The following PPP2R5A variants were observed in gnomAD, a reference collection of about 807,000 sequenced individuals.
PPP2R5A encodes the protein serine/threonine-protein phosphatase 2A 56 kDa regulatory subunit alpha isoform.
PPP2R5A carries 25 observed loss-of-function variants against 64.2 expected under a neutral mutation model. That is an observed-to-expected ratio of 0.39 (90% CI 0.28 to 0.54). The LOEUF (loss-of-function observed/expected upper bound fraction) is 0.54, where lower values mean the gene tolerates loss of function less well. PPP2R5A is among the 20% of genes least tolerant of loss of function. The pLI is 0.67. For synonymous variants in PPP2R5A, 198 were observed against 201.2 expected, an observed-to-expected ratio of 0.98 and a Z score of 0.13; for missense variants, 425 against 576.3, an observed-to-expected ratio of 0.74 and a Z score of 2.69.
At chr1:212,333,441 T>C in intron 2 of PPP2R5A, 56 bp from the exon 3 acceptor site, 1 of 1,133,348 alleles carries the variant, frequency 8.8e-7, no homozygotes, top group Non-Finnish European at 1.2e-6. Context: ...TCGTTTTGAA[T>C]TGTCCAATTC....
chr1:212,306,695 A>G (rs1658909943), intron 1 of PPP2R5A: 1 of 151,956 alleles, frequency 6.6e-6, no homozygotes, highest in African/African-American at 2.4e-5. Flanking sequence ...TTAAAAATTC[A>G]GTTTGACAAT....
intron 1 of PPP2R5A, among the ~76,000 whole-genome samples, chr1:212,323,033 G>A (rs770278397): frequency 2.0e-5 from 3 of 152,208 alleles, no homozygotes; most frequent in Middle Eastern, 3.4e-3. Flanking sequence ...TGATCTGCCC[G>A]CCTCAGCCTC....
intron 1 of PPP2R5A, among the ~76,000 whole-genome samples, chr1:212,327,443 C>A (rs2102431645): frequency 6.6e-6 from 1 of 152,310 alleles, no homozygotes; most frequent in African/African-American, 2.4e-5. Context: ...AGACTTGAGT[C>A]TCACTCTGTG....
At chr1:212,335,285 G>C (rs1195670508) in intron 3 of PPP2R5A, among the ~76,000 whole-genome samples, 2 of 152,026 alleles carry the variant, frequency 1.3e-5, no homozygotes, top group Non-Finnish European at 2.9e-5. Context: ...TTCCAGACCA[G>C]CCTAACATGG....
At chr1:212,332,417 TAAAA>T (rs765767313) in intron 2 of PPP2R5A, among the ~76,000 whole-genome samples, 3 of 152,162 alleles carry the variant, frequency 2.0e-5, no homozygotes, top group African/African-American at 7.2e-5. Flanking sequence ...TCATTATTCT[TAAAA>T]AAATTGTAGA....
At chr1:212,357,649 A>G (rs1388391186) in intron 11 of PPP2R5A, among the ~76,000 whole-genome samples, 1 of 151,786 alleles carries the variant, frequency 6.6e-6, no homozygotes, top group East Asian at 1.9e-4. Flanking sequence ...TAAAACTACA[A>G]AAAATTAGCC....
intron 4 of PPP2R5A, among the ~76,000 whole-genome samples, chr1:212,343,310 C>T (rs1287558009): frequency 1.3e-5 from 2 of 152,200 alleles, no homozygotes; most frequent in Non-Finnish European, 2.9e-5. Context: ...GTGAAGTAGA[C>T]CAAACCTTTC....
At chr1:212,302,432 T>C (rs905495951) in intron 1 of PPP2R5A, among the ~76,000 whole-genome samples, 3 of 152,348 alleles carry the variant, frequency 2.0e-5, no homozygotes, top group African/African-American at 7.2e-5. Flanking sequence ...TAGTGGATTC[T>C]GTGTATGTGT....
chr1:212,341,954 G>A (rs1217038438), intron 3 of PPP2R5A, among the ~76,000 whole-genome samples: 1 of 152,082 alleles, frequency 6.6e-6, no homozygotes, highest in Non-Finnish European at 1.5e-5. Flanking sequence ...GTCCAGGGTG[G>A]CCTCAAACTC....
At chr1:212,330,922 C>T (rs1659492233) in intron 2 of PPP2R5A, among the ~76,000 whole-genome samples, 1 of 151,756 alleles carries the variant, frequency 6.6e-6, no homozygotes, top group Non-Finnish European at 1.5e-5. Flanking sequence ...AACCCCAGCA[C>T]TTTGGGAGGC....
At chr1:212,296,232 G>GA (rs1658689263) in intron 1 of PPP2R5A, among the ~76,000 whole-genome samples, 1 of 151,854 alleles carries the variant, frequency 6.6e-6, no homozygotes, top group African/African-American at 2.4e-5. Context: ...ACTGGAGGGG[G>GA]AATCAGGTAT....
Position 212,333,525 on chromosome 1 carries a change from CT to C in PPP2R5A, c.408del (p.Pro137GlnfsTer31). ...AGTGCTAACATCTTCCGTACACTTC[CT>C]CCAAGTGATAATCCAGATTTTGATC... ...MISANIFRTL[P>X]PSDNPDFDPE... is the part of the protein sequence containing the mutation. On this transcript the variant is annotated frameshift_variant, in exon 3 of 13. Transcript: ENST00000261461. LOFTEE classifies it high-confidence loss of function. The C allele has an allele frequency of 6.2e-7, 1 of 1,600,020 alleles. No individual in the cohort carries two copies. The highest frequency in any genetic ancestry group is 1.3e-5 in the African/African-American group (1 of 74,370).
chr1:212,346,245 T>C (rs1051428111), intron 5 of PPP2R5A, among the ~76,000 whole-genome samples: 1 of 151,990 alleles, frequency 6.6e-6, no homozygotes, highest in Non-Finnish European at 1.5e-5. Context: ...ATATGTAACA[T>C]AGTATATATG....
Position 212,347,322 on chromosome 1 carries a change from C to T in PPP2R5A, c.705-25C>T, listed in dbSNP as rs557704347. The T allele has an allele frequency of 4.1e-5, 62 of 1,497,372 alleles. No individual in the cohort carries two copies. In the Middle Eastern group the frequency reaches 6.9e-4, roughly 17 times the overall value. The allele number at this position is 1,497,372 out of a possible 1,614,324, so 92.8% of individuals were successfully genotyped here. On this transcript the variant is annotated intron_variant, in intron 5 of 12. Coordinates refer to ENST00000261461, the MANE Select transcript of PPP2R5A (RefSeq NM_006243.4). ...GTTTTCTGAAGTTTGATTTTGATTA[C>T]ATCTTGTCTTTATTTTAAATTCAGG...
chr1:212,332,882 C>G (rs76019859), intron 2 of PPP2R5A, among the ~76,000 whole-genome samples: 2,171 of 151,990 alleles, frequency 0.014, 50 homozygotes, highest in African/African-American at 0.048. Context: ...CCTTTCCCTT[C>G]TTTCTTTTTT....
Position 212,345,681 on chromosome 1 carries a change from G to A in PPP2R5A, c.574-122G>A, listed in dbSNP as rs954674044. On this transcript the variant is annotated intron_variant, in intron 4 of 12. Coordinates refer to ENST00000261461, the MANE Select transcript of PPP2R5A (RefSeq NM_006243.4). ...ATTACTTAGCAAGAATAAAGTCAGT[G>A]TGGTAAGGAAGAACTCTAAAAAATT... The A allele has an allele frequency of 2.3e-4, 205 of 873,082 alleles. 1 individual carries two copies. The highest frequency in any genetic ancestry group is 3.3e-5 in the Admixed American group (1 of 30,652). 54.1% of individuals were successfully genotyped at this position (873,082 alleles called of 1,614,324 possible).
Position 212,304,551 on chromosome 1 carries a change from AAAAC to A in PPP2R5A, c.181+18268_181+18271del, listed in dbSNP as rs1041626587. On this transcript the variant is annotated intron_variant, in intron 1 of 12. Transcript: ENST00000261461. ...GCAACAAGAGCGAAACTCCATTTCAAAAACAAACAAAAAAAGAGATGGGGTCTCG... is the reference window on the plus strand; with the variant it reads ...GCAACAAGAGCGAAACTCCATTTCAAAAACAAAAAAAGAGATGGGGTCTCG... Among the ~76,000 whole-genome samples, 33 of 152,088 alleles carry A rather than the reference AAAAC, an allele frequency of 2.2e-4. 1 individual carries two copies. Among genetic ancestry groups the A allele is most frequent in the South Asian group, 8.3e-4 (4 of 4,804 alleles).
chr1:212,292,714 C>T (rs149012027), intron 1 of PPP2R5A, among the ~76,000 whole-genome samples: 2 of 152,242 alleles, frequency 1.3e-5, no homozygotes, highest in Non-Finnish European at 2.9e-5. Context: ...TGTGTGCTGC[C>T]ACACCCAGCT....
intron 1 of PPP2R5A, among the ~76,000 whole-genome samples, chr1:212,321,866 A>C (rs1659302634): frequency 1.3e-5 from 2 of 150,314 alleles, no homozygotes; most frequent in South Asian, 4.2e-4. Flanking sequence ...TAGCGAGCCG[A>C]GATCATGCCA....
Sources: gnomAD v4.1 joint callset for allele counts (sites outside exome capture counted in the v4.1 genomes callset) on GRCh38, gnomAD v4.1.1 for gene constraint, MANE v1.5 for transcripts, NCBI Gene and HGNC (gene_info 2026-07-23, HGNC 2026-07-21) for gene names.